Variants in TTLL3 observed in about 807,000 individuals in gnomAD.
The protein encoded by TTLL3 is tubulin monoglycylase TTLL3.
Under a neutral mutation model 75.2 loss-of-function variants are expected in TTLL3, and 63 were observed. The ratio of observed to expected loss-of-function variants is 0.84; its 90% CI spans 0.68 to 1.03. The LOEUF (loss-of-function observed/expected upper bound fraction) is 1.03. Ranked by LOEUF, TTLL3 falls within the 50% of genes least tolerant of loss-of-function variation. TTLL3 has a pLI of 0.00. For synonymous variants in TTLL3, 393 were observed against 418.5 expected, an observed-to-expected ratio of 0.94 and a Z score of 0.74; for missense variants, 997 against 1,069.9, an observed-to-expected ratio of 0.93 and a Z score of 0.95.
In TTLL3 at chr3:9,820,534, C is replaced by T; in HGVS notation, c.659-12C>T. 1.2e-6 allele frequency: 2 copies of T among 1,613,684 alleles called. No homozygotes were observed. The highest frequency in any genetic ancestry group is 2.2e-5 in the South Asian group (2 of 91,062). On this transcript the variant is annotated splice_polypyrimidine_tract_variant and intron_variant, in intron 7 of 13. Coordinates refer to ENST00000685419, the MANE Select transcript of TTLL3 (RefSeq NM_001387446.1). ...TGATATGGGATCGTGACAGGCCCCT[C>T]CCTATGTGCAGGAGACAAGCAGCCC...
chr3:9,825,756 T>C lies in TTLL3; in HGVS notation c.855-44T>C, dbSNP rs1249323949. On this transcript the variant is annotated intron_variant, in intron 8 of 13. Coordinates refer to ENST00000685419, the MANE Select transcript of TTLL3 (RefSeq NM_001387446.1). ...TCTCCCCCTGCCCTCTCCACCTGCA[T>C]GTCCCAGGTCCAGCCCTGCCCAAGT... 8 of 1,613,926 alleles carry C rather than the reference T, an allele frequency of 5.0e-6. No individual in the cohort carries two copies. The African/African-American group carries it at 5.3e-5, about 11-fold the overall frequency.
At position 9,835,476 on chromosome 3, in the gene TTLL3, C is replaced by T. The variant is rs758446026; in HGVS notation, c.2435C>T (p.Thr812Ile). 9 of 1,596,588 alleles carry T rather than the reference C, an allele frequency of 5.6e-6. No homozygotes were observed. Among genetic ancestry groups the T allele is most frequent in the Middle Eastern group, 2.3e-4 (1 of 4,360 alleles). The change falls in exon 14 of 14, where the codon ACA becomes ATA. Residue 812 changes from threonine (T) to isoleucine (I), a missense_variant. Transcript: ENST00000685419. ...DGARPCTPGS[T>I]ARA ...GCGAGGCCGTGTACCCCAGGGTCCA[C>T]AGCAAGAGCCTGAGGCCATCAGCAG... is the stretch of plus-strand genomic sequence containing the variant.
intron 2 of TTLL3, 189 bp from the exon 3 acceptor site, chr3:9,812,754 G>A: frequency 3.4e-6 from 2 of 585,438 alleles, no homozygotes; most frequent in Non-Finnish European, 5.1e-6. Flanking sequence ...ATAAATATTA[G>A]CCATTGCTAT....
chr3:9,823,855 T>G (rs965256788), intron 8 of TTLL3, among the ~76,000 whole-genome samples: 32 of 152,252 alleles, frequency 2.1e-4, no homozygotes, highest in African/African-American at 7.7e-4. Context: ...TGCGAGAGTC[T>G]GGATGAGGCA....
In TTLL3 at chr3:9,810,909, C is replaced by T. The variant is rs2079293900; in HGVS notation, c.48+200C>T. ...CTTCTGGGCTCCCTCCACTCTGGTT[C>T]CCTGCGATGTCCCACTCTAATCAAG... is the stretch of plus-strand genomic sequence containing the variant. On this transcript the variant is annotated intron_variant, in intron 2 of 13. Coordinates refer to ENST00000685419, the MANE Select transcript of TTLL3 (RefSeq NM_001387446.1). This position sits in a 1 kb window ranked among gnomAD's most constrained non-coding sequence, Gnocchi z 4.4. Among the ~76,000 whole-genome samples, 1 of 152,194 alleles carries T rather than the reference C, an allele frequency of 6.6e-6. No individual in the cohort carries two copies.
chr3:9,826,095 G>A, intron 9 of TTLL3, 147 bp downstream of exon 9: 1 of 1,360,030 alleles, frequency 7.4e-7, no homozygotes, highest in South Asian at 1.5e-5. Flanking sequence ...TCGTGACCTT[G>A]AGCAGGTTTT....
In TTLL3 at chr3:9,825,797, C is replaced by T. The variant is rs760357745; in HGVS notation, c.855-3C>T. The stretch of plus-strand genomic sequence containing the variant: ...CTGCCCAAGTTCTATCATTTCCCCA[C>T]AGCGAAGGGGCAGAACTCAGGCACC... On this transcript the variant is annotated splice_region_variant and splice_polypyrimidine_tract_variant and intron_variant, in intron 8 of 13. Transcript: ENST00000685419. 1.1e-5 allele frequency: 18 copies of T among 1,614,050 alleles called. No homozygotes were observed. Among genetic ancestry groups the T allele is most frequent in the Non-Finnish European group, 1.5e-5 (18 of 1,180,032 alleles).
intron 4 of TTLL3, among the ~76,000 whole-genome samples, chr3:9,815,038 G>C (rs1052385840): frequency 6.6e-6 from 1 of 151,728 alleles, no homozygotes; most frequent in African/African-American, 2.4e-5. Flanking sequence ...AGGAGTTCGA[G>C]ACCAGCCTGG....
chr3:9,834,444 T>G, intron 12 of TTLL3: 2 of 716,694 alleles, frequency 2.8e-6, no homozygotes, highest in Non-Finnish European at 5.0e-6. Context: ...ATCAGGAAGT[T>G]TAAGGAAGTT....
Position 9,833,259 on chromosome 3 carries a change from G to A in TTLL3, c.1825+14G>A, listed in dbSNP as rs1366894083. On this transcript the variant is annotated intron_variant, in intron 12 of 13. Transcript: ENST00000685419. The stretch of plus-strand genomic sequence containing the variant: ...GCTCTGGGGAAGGCAAGGACTCGGG[G>A]ACCCCTACCCACAGGTCAGCTTCTA... 7 of 1,613,236 alleles carry A rather than the reference G, an allele frequency of 4.3e-6. No individual in the cohort carries two copies. The highest frequency in any genetic ancestry group is 5.9e-6 in the Non-Finnish European group (7 of 1,179,826).
intron 7 of TTLL3, chr3:9,819,644 GC>G: frequency 4.1e-6 from 4 of 985,590 alleles, no homozygotes; most frequent in Non-Finnish European, 4.8e-6. Context: ...CCCAACCACT[GC>G]CTGCCCTTTC....
rs567584897 is a variant in TTLL3 at position 9,818,648 on chromosome 3, G to A, written c.560-174G>A. ...CTCCCAAAGTGCTGGGATTACAGGCGTCAGCCACCGTGACCAGCCTGAAAC... is the reference window on the plus strand; with the variant it reads ...CTCCCAAAGTGCTGGGATTACAGGCATCAGCCACCGTGACCAGCCTGAAAC... On this transcript the variant is annotated intron_variant, in intron 6 of 13. Coordinates refer to ENST00000685419, the MANE Select transcript of TTLL3 (RefSeq NM_001387446.1). The A allele has an allele frequency of 9.3e-5, 135 of 1,451,130 alleles. No homozygotes were observed. In the East Asian group the frequency reaches 1.7e-3, roughly 18 times the overall value. 89.9% of individuals were successfully genotyped at this position (1,451,130 alleles called of 1,614,324 possible).
intron 8 of TTLL3, 38 bp from the exon 9 acceptor site, chr3:9,825,762 A>G (rs770316461): frequency 1.2e-6 from 2 of 1,613,950 alleles, no homozygotes; most frequent in Non-Finnish European, 1.7e-6. Context: ...TGCATGTCCC[A>G]GGTCCAGCCC....
At position 9,810,923 on chromosome 3, in the gene TTLL3, A is replaced by G. The variant is rs1391224066; in HGVS notation, c.48+214A>G. Among the ~76,000 whole-genome samples, 6 of 151,460 alleles carry G rather than the reference A, an allele frequency of 4.0e-5. No homozygotes were observed. In the East Asian group the frequency reaches 9.7e-4, roughly 24 times the overall value. ...CCACTCTGGTTCCCTGCGATGTCCC[A>G]CTCTAATCAAGGTGCCTGGTGAGTT... On this transcript the variant is annotated intron_variant, in intron 2 of 13. Transcript: ENST00000685419. This position sits in a 1 kb window ranked among gnomAD's most constrained non-coding sequence, Gnocchi z 4.4.
intron 4 of TTLL3, 130 bp downstream of exon 4, chr3:9,813,475 C>T: frequency 9.1e-7 from 1 of 1,103,912 alleles, no homozygotes; most frequent in Non-Finnish European, 1.3e-6. Flanking sequence ...GTAGTAAAAA[C>T]TGCTTCTTTA....
intron 8 of TTLL3, among the ~76,000 whole-genome samples, chr3:9,824,855 C>T (rs2080875197): frequency 6.6e-6 from 1 of 151,144 alleles, no homozygotes; most frequent in Admixed American, 6.6e-5. Context: ...ATTGTCCTGC[C>T]TCAGTCTCCC....
At chr3:9,830,094 C>G (rs1358843220) in intron 11 of TTLL3, among the ~76,000 whole-genome samples, 6 of 152,172 alleles carry the variant, frequency 3.9e-5, no homozygotes, top group Non-Finnish European at 8.8e-5. Context: ...CCGCCCACCT[C>G]GGCCTCCCAA....
intron 12 of TTLL3, chr3:9,834,370 C>G: frequency 3.5e-6 from 2 of 571,230 alleles, no homozygotes; most frequent in Non-Finnish European, 3.3e-6. Flanking sequence ...ACCTGCCCAG[C>G]TCCTTTAGTG....
chr3:9,828,224 G>C (rs1448718897), intron 10 of TTLL3: 1 of 152,088 alleles, frequency 6.6e-6, no homozygotes, highest in African/African-American at 2.4e-5. Flanking sequence ...AGGAGGTCAG[G>C]AGTTTTGAAA....
Sources: allele counts gnomAD v4.1 joint callset (sites outside exome capture counted in the v4.1 genomes callset), GRCh38; gene constraint gnomAD v4.1.1; non-coding constraint Gnocchi (gnomAD v3.1); transcripts MANE v1.5; gene names NCBI Gene and HGNC (gene_info 2026-07-23, HGNC 2026-07-21).